Variants in MEGF9 observed in about 807,000 individuals in gnomAD.
MEGF9 encodes the protein multiple EGF like domains 9.
A neutral mutation model predicts 46.8 loss-of-function variants in MEGF9; 6 were observed. The ratio of observed to expected loss-of-function variants is 0.13; its 90% CI spans 0.07 to 0.25. The LOEUF (loss-of-function observed/expected upper bound fraction) is 0.25, where lower values mean the gene tolerates loss of function less well. MEGF9 is among the 10% of genes least tolerant of loss of function. The pLI, the probability that MEGF9 is intolerant of heterozygous loss-of-function variation, is 1.00. For missense variants in MEGF9, 683 were observed against 792.4 expected (o/e 0.86, Z 1.66); for synonymous variants, 302 against 330.7 (o/e 0.91, Z 0.94).
intron 1 of MEGF9, among the ~76,000 whole-genome samples, chr9:120,682,593 A>ACG (rs1427210465): frequency 1.0e-4 from 14 of 137,048 alleles, no homozygotes; most frequent in Non-Finnish European, 8.1e-5. Context: ...ACACACACGC[A>ACG]CACACATATA....
chr9:120,690,888 AAAT>A (rs149729686), intron 1 of MEGF9, among the ~76,000 whole-genome samples: 2,870 of 152,246 alleles, frequency 0.019, 104 homozygotes, highest in African/African-American at 0.067. Context: ...CTTGTTATAA[AAAT>A]AATGTTGGCC....
At chr9:120,645,690 G>T (rs2043623164) in intron 2 of MEGF9, among the ~76,000 whole-genome samples, 1 of 152,170 alleles carries the variant, frequency 6.6e-6, no homozygotes, top group African/African-American at 2.4e-5. Flanking sequence ...AAAAATAAAA[G>T]AAGTAAAGTT....
At chr9:120,608,841 A>G (rs1198174551) in intron 4 of MEGF9, among the ~76,000 whole-genome samples, 1 of 152,204 alleles carries the variant, frequency 6.6e-6, no homozygotes, top group East Asian at 1.9e-4. Context: ...GTCCCTTCTA[A>G]GCAGTTATCA....
chr9:120,703,498 G>A (rs1184126764), intron 1 of MEGF9, among the ~76,000 whole-genome samples: 1 of 152,102 alleles, frequency 6.6e-6, no homozygotes, highest in Non-Finnish European at 1.5e-5. Context: ...ATGACACGAT[G>A]TACGTAAAAA....
At chr9:120,628,485 T>TTTG (rs1391090193) in intron 2 of MEGF9, among the ~76,000 whole-genome samples, 11 of 144,320 alleles carry the variant, frequency 7.6e-5, no homozygotes, top group Non-Finnish European at 1.4e-4. Flanking sequence ...TTTTTTTTTT[T>TTTG]TTTTTTTTTT....
Position 120,605,292 on chromosome 9 carries a change from A to T in MEGF9, c.1707T>A (p.Ile569=). ...NISFSSYHDS[I]PNADVSGLLE... ...ACAATCCCGAAACATCTGCATTGGG[A>T]ATGCTGTCATGGTAGCTGCTGAAAC... is the stretch of plus-strand genomic sequence containing the variant. The change falls in exon 6 of 6, where the codon ATT becomes ATA. Residue 569 remains isoleucine, a synonymous_variant. Transcript: ENST00000373930. This position sits in a 1 kb window ranked among gnomAD's most constrained non-coding sequence, Gnocchi z 4.0. 5.0e-6 allele frequency: 8 copies of T among 1,614,024 alleles called. No individual in the cohort carries two copies. Among genetic ancestry groups the T allele is most frequent in the Non-Finnish European group, 5.9e-6 (7 of 1,179,894 alleles).
At chr9:120,698,206 G>C (rs2043887520) in intron 1 of MEGF9, among the ~76,000 whole-genome samples, 1 of 152,168 alleles carries the variant, frequency 6.6e-6, no homozygotes, top group African/African-American at 2.4e-5. Context: ...AAAATAGAGT[G>C]GTCACATCTT....
chr9:120,666,850 T>C (rs79870989), intron 1 of MEGF9, among the ~76,000 whole-genome samples: 2,506 of 152,186 alleles, frequency 0.016, 62 homozygotes, highest in African/African-American at 0.056. Context: ...AGAACATGGA[T>C]GAATCTTAAA....
chr9:120,707,260 C>T (rs912804009), intron 1 of MEGF9, among the ~76,000 whole-genome samples: 1 of 152,174 alleles, frequency 6.6e-6, no homozygotes, highest in Non-Finnish European at 1.5e-5. Context: ...ATCTGATGCT[C>T]AATACCAGAA....
intron 2 of MEGF9, among the ~76,000 whole-genome samples, chr9:120,628,427 G>A (rs1340647536): frequency 8.7e-6 from 1 of 115,406 alleles, no homozygotes; most frequent in Non-Finnish European, 1.7e-5. Flanking sequence ...TCTAAAATAT[G>A]TTTAGAGGAA....
At position 120,603,598 on chromosome 9, in the gene MEGF9, C is replaced by T. The variant is rs1367702440; in HGVS notation, c.*1592G>A. On this transcript the variant is annotated 3_prime_UTR_variant, in exon 6 of 6. Coordinates refer to ENST00000373930, the MANE Select transcript of MEGF9 (RefSeq NM_001080497.3). ...GAAGTTTTTATTTTTTTTCTAACCACTTCACAGTTCACTGTTCCTCCTAAT... is the reference window on the plus strand; with the variant it reads ...GAAGTTTTTATTTTTTTTCTAACCATTTCACAGTTCACTGTTCCTCCTAAT... 6.6e-6 allele frequency: 1 copy of T among 152,148 alleles called. No homozygotes were observed. Among genetic ancestry groups the T allele is most frequent in the Non-Finnish European group, 1.5e-5 (1 of 68,020 alleles). 9.4% of individuals were successfully genotyped at this position (152,148 alleles called of 1,614,324 possible).
chr9:120,705,670 T>C (rs758036708), intron 1 of MEGF9, among the ~76,000 whole-genome samples: 2 of 151,988 alleles, frequency 1.3e-5, no homozygotes, highest in Admixed American at 6.6e-5. Flanking sequence ...CATGGATACA[T>C]CTAAAAGGAT....
At chr9:120,694,911 G>C (rs1235046847) in intron 1 of MEGF9, among the ~76,000 whole-genome samples, 1 of 146,416 alleles carries the variant, frequency 6.8e-6, no homozygotes, top group East Asian at 2.0e-4. Context: ...ACATTCAAAG[G>C]CCTTTTTGAC....
At chr9:120,664,147 T>C (rs1179811107) in intron 1 of MEGF9, among the ~76,000 whole-genome samples, 1 of 151,676 alleles carries the variant, frequency 6.6e-6, no homozygotes, top group Non-Finnish European at 1.5e-5. Context: ...AAACATTTGC[T>C]CTGGTAAGAG....
chr9:120,660,990 AG>A, intron 1 of MEGF9, among the ~76,000 whole-genome samples: 1 of 152,268 alleles, frequency 6.6e-6, no homozygotes, highest in Non-Finnish European at 1.5e-5. Flanking sequence ...ACTCTTAAAA[AG>A]AGAGTTGTAA....
In MEGF9 at chr9:120,607,849, G is replaced by T. The variant is rs1268318952; in HGVS notation, c.1249C>A (p.Pro417Thr). 6.2e-7 allele frequency: 1 copy of T among 1,614,004 alleles called. No individual in the cohort carries two copies. The highest frequency in any genetic ancestry group is 1.7e-5 in the Admixed American group (1 of 60,022). The change falls in exon 5 of 6, where the codon CCC becomes ACC. Residue 417 changes from proline (P) to threonine (T), a missense_variant. By Grantham distance (38) the Pro-to-Thr change is conservative. Transcript: ENST00000373930. Reference protein sequence around the residue: ...DPVKTPKICKPESGECINCLH... With the variant: ...DPVKTPKICKTESGECINCLH... Reference sequence around the variant, plus strand: ...CAGTTGATGCACTCACCACTCTCGGGCTTACAAATCTTTGGAGTTTTAACT... The same window carrying T: ...CAGTTGATGCACTCACCACTCTCGGTCTTACAAATCTTTGGAGTTTTAACT...
intron 2 of MEGF9, among the ~76,000 whole-genome samples, chr9:120,634,194 T>C (rs977004568): frequency 6.6e-6 from 1 of 152,170 alleles, no homozygotes; most frequent in Non-Finnish European, 1.5e-5. Context: ...ATATTGGGTG[T>C]TGAAATCTGC....
rs34449214 is a variant in MEGF9 at position 120,632,336 on chromosome 9, G to GTT, written c.804-9583_804-9582dup. Among the ~76,000 whole-genome samples the GTT allele has an allele frequency of 3.7e-3, 494 of 132,984 alleles. 4 individuals carry two copies. The highest frequency in any genetic ancestry group is 0.013 in the African/African-American group (467 of 36,872). The allele number at this position is 132,984 out of a possible 152,430, so 87.2% of individuals were successfully genotyped here. ...TTCTTGGATAAATTTATTCCTAAGT[G>GTT]TTTTTTTTTTTTTTTGGAGCTATTT... On this transcript the variant is annotated intron_variant, in intron 2 of 5. Coordinates refer to ENST00000373930, the MANE Select transcript of MEGF9 (RefSeq NM_001080497.3).
chr9:120,693,736 A>G (rs2043861596), intron 1 of MEGF9, among the ~76,000 whole-genome samples: 1 of 152,188 alleles, frequency 6.6e-6, no homozygotes, highest in Admixed American at 6.5e-5. Context: ...ATTATTTGCT[A>G]TTGTCTCTAT....
Sources: gnomAD v4.1 joint callset for allele counts (sites outside exome capture counted in the v4.1 genomes callset) on GRCh38, gnomAD v4.1.1 for gene constraint, Gnocchi (gnomAD v3.1) non-coding constraint, MANE v1.5 for transcripts, NCBI Gene and HGNC (gene_info 2026-07-23, HGNC 2026-07-21) for gene names.